The following SATB2 variants were observed in gnomAD, a reference collection of about 807,000 sequenced individuals.
The protein encoded by SATB2 is SATB homeobox 2.
A neutral mutation model predicts 73.4 loss-of-function variants in SATB2; 1 was observed. The ratio of observed to expected loss-of-function variants is 0.01; its 90% confidence interval spans 0.00 to 0.06. The LOEUF (loss-of-function observed/expected upper bound fraction) is 0.06, where lower values mean the gene tolerates loss of function less well. SATB2 is among the 10% of genes least tolerant of loss of function. The pLI is 1.00. For missense variants in SATB2, 459 were observed against 945.8 expected, an observed-to-expected ratio of 0.49 and a Z score of 6.75; for synonymous variants, 397 against 367.0, an observed-to-expected ratio of 1.08 and a Z score of -0.93.
chr2:199,438,684 G>A (rs568813154), intron 2 of SATB2, among the ~76,000 whole-genome samples: 90 of 152,346 alleles, frequency 5.9e-4, no homozygotes, highest in Middle Eastern at 6.8e-3. Context: ...GCAGCAGGGC[G>A]TCTAGGTGAC....
chr2:199,344,082 A>G (rs1337919047), intron 7 of SATB2, among the ~76,000 whole-genome samples: 2 of 152,176 alleles, frequency 1.3e-5, no homozygotes, highest in African/African-American at 2.4e-5. Flanking sequence ...GCTTCATGCT[A>G]CTTGGATAAA....
At chr2:199,418,515 T>C (rs1691066456) in intron 3 of SATB2, among the ~76,000 whole-genome samples, 1 of 152,220 alleles carries the variant, frequency 6.6e-6, no homozygotes, top group Non-Finnish European at 1.5e-5. Context: ...ATGTGAAATT[T>C]TTTCACATTT....
At chr2:199,383,760 T>C (rs949956533) in intron 3 of SATB2, among the ~76,000 whole-genome samples, 3 of 152,220 alleles carry the variant, frequency 2.0e-5, no homozygotes, top group Non-Finnish European at 4.4e-5. Context: ...TGTCAGTAGT[T>C]GATTCCTTTT....
At chr2:199,398,156 A>G (rs1217892523) in intron 3 of SATB2, among the ~76,000 whole-genome samples, 1 of 152,008 alleles carries the variant, frequency 6.6e-6, no homozygotes, top group African/African-American at 2.4e-5. Context: ...CAATAAAAAA[A>G]CAGACACATG....
At chr2:199,289,629 G>C (rs779378357) in intron 10 of SATB2, among the ~76,000 whole-genome samples, 1 of 152,094 alleles carries the variant, frequency 6.6e-6, no homozygotes, top group Non-Finnish European at 1.5e-5. Flanking sequence ...AATACGCTTC[G>C]GGGTGGATTT....
chr2:199,446,483 G>GAA (rs906466851), intron 2 of SATB2, among the ~76,000 whole-genome samples: 1 of 149,938 alleles, frequency 6.7e-6, no homozygotes, highest in East Asian at 1.9e-4. Context: ...GTGATCGTAT[G>GAA]AAAAAAAAAC....
intron 10 of SATB2, among the ~76,000 whole-genome samples, chr2:199,275,880 C>A (rs1692298475): frequency 1.3e-5 from 2 of 152,102 alleles, no homozygotes; most frequent in Admixed American, 1.3e-4. Context: ...AGGAGCTGAG[C>A]TTTTTCTATT....
chr2:199,427,053 T>C (rs1691357763), intron 3 of SATB2, among the ~76,000 whole-genome samples: 3 of 152,082 alleles, frequency 2.0e-5, no homozygotes, highest in Admixed American at 6.6e-5. Context: ...AATTTTTGTA[T>C]TTTTAGTAGA....
intron 3 of SATB2, among the ~76,000 whole-genome samples, chr2:199,414,831 C>T (rs1284824384): frequency 1.3e-5 from 2 of 152,132 alleles, no homozygotes; most frequent in Non-Finnish European, 2.9e-5. Context: ...GGAGCAAGGT[C>T]TCACTGGGAT....
chr2:199,390,238 GTGGT>G (rs1367943759), intron 3 of SATB2, among the ~76,000 whole-genome samples: 3 of 152,096 alleles, frequency 2.0e-5, no homozygotes, highest in Non-Finnish European at 4.4e-5. Flanking sequence ...GAAAAAAAAT[GTGGT>G]TGGTGTTTAG....
At chr2:199,448,821 C>T (rs1692041533) in intron 2 of SATB2, among the ~76,000 whole-genome samples, 1 of 152,098 alleles carries the variant, frequency 6.6e-6, no homozygotes, top group Admixed American at 6.6e-5. Context: ...TGTTATTTTA[C>T]AGTTTAATAA....
intron 3 of SATB2, among the ~76,000 whole-genome samples, chr2:199,432,159 G>A (rs771522674): frequency 1.3e-5 from 2 of 152,156 alleles, no homozygotes; most frequent in Non-Finnish European, 2.9e-5. Flanking sequence ...AGACTGCGCT[G>A]GGATTCACAA....
intron 10 of SATB2, among the ~76,000 whole-genome samples, chr2:199,297,271 C>G (rs1426341363): frequency 6.6e-6 from 1 of 152,192 alleles, no homozygotes; most frequent in East Asian, 1.9e-4. Flanking sequence ...AAATGTTTTA[C>G]TTTTTTGTTT....
intron 6 of SATB2, among the ~76,000 whole-genome samples, chr2:199,361,200 AT>A (rs1280588016): frequency 6.6e-6 from 1 of 152,162 alleles, no homozygotes; most frequent in East Asian, 1.9e-4. Flanking sequence ...AGTTGTCAAA[AT>A]TCTCACTGAG....
intron 3 of SATB2, among the ~76,000 whole-genome samples, chr2:199,389,220 T>C (rs1367591756): frequency 1.3e-5 from 2 of 152,160 alleles, no homozygotes; most frequent in African/African-American, 2.4e-5. Flanking sequence ...GTTTTTGAAG[T>C]ATACATATTT....
At chr2:199,343,923 C>T (rs151072664) in intron 7 of SATB2, among the ~76,000 whole-genome samples, 4 of 152,022 alleles carry the variant, frequency 2.6e-5, no homozygotes, top group Admixed American at 6.6e-5. Context: ...AAGATGGCAA[C>T]GCCAAAGAAA....
chr2:199,336,179 C>A (rs888869072), intron 7 of SATB2, among the ~76,000 whole-genome samples: 1 of 152,120 alleles, frequency 6.6e-6, no homozygotes, highest in African/African-American at 2.4e-5. Context: ...AGGCTATGCA[C>A]AATCCAAGTC....
intron 5 of SATB2, among the ~76,000 whole-genome samples, chr2:199,369,263 T>C (rs764447448): frequency 1.2e-4 from 19 of 152,158 alleles, no homozygotes; most frequent in Non-Finnish European, 1.6e-4. Context: ...AACACAATAC[T>C]TGTACTGTGT....
At chr2:199,413,108 G>A (rs1377915631) in intron 3 of SATB2, among the ~76,000 whole-genome samples, 1 of 152,008 alleles carries the variant, frequency 6.6e-6, no homozygotes, top group Admixed American at 6.5e-5. Flanking sequence ...CCTCAAATTA[G>A]GAGAAAACAT....
Sources: allele counts gnomAD v4.1 joint callset (sites outside exome capture counted in the v4.1 genomes callset), GRCh38; gene constraint gnomAD v4.1.1; transcripts MANE v1.5; gene names NCBI Gene and HGNC (gene_info 2026-07-23, HGNC 2026-07-21).